Variants in CHST9 observed in about 807,000 individuals in gnomAD.
CHST9 encodes the protein carbohydrate sulfotransferase 9.
In CHST9, 41 loss-of-function variants were observed where a neutral mutation model predicts 44.4. The ratio of observed to expected loss-of-function variants is 0.92; its 90% CI spans 0.72 to 1.20. The LOEUF (loss-of-function observed/expected upper bound fraction) is 1.20, where lower values mean the gene tolerates loss of function less well. Ranked by LOEUF, CHST9 falls within the 50% of genes most tolerant of loss-of-function variation. The probability of loss-of-function intolerance (pLI) is 0.00; values close to 1 mark genes in which losing one functional copy is unlikely to be tolerated. For missense variants in CHST9, 504 were observed against 516.5 expected, an observed-to-expected ratio of 0.98 and a Z score of 0.23; for synonymous variants, 171 against 178.4, an observed-to-expected ratio of 0.96 and a Z score of 0.33.
At chr18:27,136,887 G>A (rs1228316616) in intron 2 of CHST9, among the ~76,000 whole-genome samples, 3 of 152,154 alleles carry the variant, frequency 2.0e-5, no homozygotes, top group Non-Finnish European at 2.9e-5. Context: ...AGTTTGGAAT[G>A]GCTCAAACTA....
At chr18:26,991,454 AC>A (rs2056815273) in intron 4 of CHST9, among the ~76,000 whole-genome samples, 1 of 152,198 alleles carries the variant, frequency 6.6e-6, no homozygotes, top group South Asian at 2.1e-4. Context: ...TGCTTCTTAG[AC>A]TTTTAATGAT....
intron 2 of CHST9, among the ~76,000 whole-genome samples, chr18:27,103,451 C>G (rs1485873151): frequency 1.3e-5 from 2 of 152,294 alleles, no homozygotes; most frequent in African/African-American, 4.8e-5. Flanking sequence ...GTCAAGGTCC[C>G]CCTCCACAAA....
At chr18:27,174,818 A>G (rs2058856578) in intron 1 of CHST9, among the ~76,000 whole-genome samples, 1 of 152,018 alleles carries the variant, frequency 6.6e-6, no homozygotes, top group African/African-American at 2.4e-5. Flanking sequence ...TACTCTTTAT[A>G]TACAAAAGAT....
chr18:27,112,226 T>C (rs1426201327), intron 2 of CHST9, among the ~76,000 whole-genome samples: 2 of 151,066 alleles, frequency 1.3e-5, no homozygotes, highest in African/African-American at 4.8e-5. Context: ...AGAAGCCCCA[T>C]GATCTACCAT....
intron 2 of CHST9, among the ~76,000 whole-genome samples, chr18:27,070,408 C>G (rs2057826064): frequency 6.6e-6 from 1 of 152,164 alleles, no homozygotes; most frequent in African/African-American, 2.4e-5. Context: ...TATATCTGTT[C>G]AATAGGAAGC....
intron 1 of CHST9, among the ~76,000 whole-genome samples, chr18:27,181,829 T>C (rs1022560738): frequency 6.6e-6 from 1 of 152,220 alleles, no homozygotes; most frequent in Non-Finnish European, 1.5e-5. Context: ...TGCTTATCTT[T>C]CTTTGAATTA....
intron 2 of CHST9, among the ~76,000 whole-genome samples, chr18:27,133,132 G>C (rs1164315687): frequency 2.6e-5 from 4 of 152,164 alleles, no homozygotes; most frequent in African/African-American, 9.7e-5. Flanking sequence ...TCTAGCATTG[G>C]CCAGGTACCT....
intron 4 of CHST9, among the ~76,000 whole-genome samples, chr18:26,996,350 A>G (rs541371257): frequency 3.3e-5 from 5 of 152,230 alleles, no homozygotes; most frequent in African/African-American, 1.2e-4. Context: ...GTAACCCTCA[A>G]CGTTGGAGGT....
chr18:27,026,400 T>A (rs2057285581), intron 3 of CHST9, among the ~76,000 whole-genome samples: 1 of 152,182 alleles, frequency 6.6e-6, no homozygotes, highest in Non-Finnish European at 1.5e-5. Context: ...TATATTGAAT[T>A]AACCTAAATT....
At chr18:27,184,357 C>T (rs1278868139) in intron 1 of CHST9, among the ~76,000 whole-genome samples, 1 of 152,176 alleles carries the variant, frequency 6.6e-6, no homozygotes, top group African/African-American at 2.4e-5. Flanking sequence ...TCCTGACAGA[C>T]ATCAACCATA....
intron 2 of CHST9, among the ~76,000 whole-genome samples, chr18:27,142,296 T>A (rs2058574498): frequency 1.3e-5 from 2 of 152,202 alleles, no homozygotes; most frequent in Non-Finnish European, 2.9e-5. Flanking sequence ...ATTTTGAGTA[T>A]CAATATAAAT....
chr18:26,978,244 TTTC>T (rs1291567102), intron 4 of CHST9, among the ~76,000 whole-genome samples: 1 of 151,256 alleles, frequency 6.6e-6, no homozygotes, highest in Non-Finnish European at 1.5e-5. Context: ...AACTAACCCG[TTTC>T]TTTTCTCTTT....
chr18:27,108,879 T>C (rs1241135765), intron 2 of CHST9, among the ~76,000 whole-genome samples: 1 of 152,230 alleles, frequency 6.6e-6, no homozygotes, highest in Non-Finnish European at 1.5e-5. Flanking sequence ...TGGAGTGAAC[T>C]GAAACTTTAT....
intron 4 of CHST9, among the ~76,000 whole-genome samples, chr18:26,993,135 T>C (rs2056844542): frequency 1.3e-5 from 2 of 152,188 alleles, no homozygotes; most frequent in Admixed American, 6.5e-5. Context: ...CGTTATGGTT[T>C]AACCAGTCTC....
chr18:27,065,001 T>C (rs564221444), intron 2 of CHST9, among the ~76,000 whole-genome samples: 27 of 152,286 alleles, frequency 1.8e-4, no homozygotes, highest in African/African-American at 4.8e-4. Context: ...ATGTATAAAC[T>C]TGAGGGGACA....
Position 27,017,792 on chromosome 18 carries a change from C to A in CHST9, c.202+6324G>T, listed in dbSNP as rs185307863. Among the ~76,000 whole-genome samples, 6 of 152,292 alleles carry A rather than the reference C, an allele frequency of 3.9e-5. No homozygotes were observed. In the East Asian group the frequency reaches 1.2e-3, roughly 29 times the overall value. ...TCTGGGCATTTTATTGCAAATTATACATCAATTTTAAAATTAAGAGATTCT... is the reference window on the plus strand; with the variant it reads ...TCTGGGCATTTTATTGCAAATTATAAATCAATTTTAAAATTAAGAGATTCT... On this transcript the variant is annotated intron_variant, in intron 4 of 5. Transcript: ENST00000618847.
At chr18:27,082,522 C>T (rs571923971) in intron 2 of CHST9, among the ~76,000 whole-genome samples, 2 of 152,256 alleles carry the variant, frequency 1.3e-5, no homozygotes, top group African/African-American at 4.8e-5. Context: ...CTCAGTGTAG[C>T]ACTCACCTTG....
chr18:27,178,984 T>C (rs1217667545), intron 1 of CHST9, among the ~76,000 whole-genome samples: 1 of 151,934 alleles, frequency 6.6e-6, no homozygotes, highest in Non-Finnish European at 1.5e-5. Flanking sequence ...CTTTCCTGTT[T>C]TTTCAAAGCC....
At chr18:27,023,059 CT>C (rs926455524) in intron 4 of CHST9, among the ~76,000 whole-genome samples, 8 of 152,152 alleles carry the variant, frequency 5.3e-5, no homozygotes, top group African/African-American at 1.7e-4. Flanking sequence ...CTGATTTTGT[CT>C]TTTTCCCTCA....
Sources: gnomAD v4.1 joint callset for allele counts (sites outside exome capture counted in the v4.1 genomes callset) on GRCh38, gnomAD v4.1.1 for gene constraint, MANE v1.5 for transcripts, NCBI Gene and HGNC (gene_info 2026-07-23, HGNC 2026-07-21) for gene names.